Variants in RMDN2 observed in about 807,000 individuals in gnomAD.
The protein encoded by RMDN2 is regulator of microtubule dynamics protein 2.
In RMDN2, 61 loss-of-function variants were observed where a neutral mutation model predicts 52.8. The observed-to-expected ratio is 1.16, with a 90% CI of 0.94 to 1.43. The LOEUF is 1.43. Ranked by LOEUF, RMDN2 falls within the 40% of genes most tolerant of loss-of-function variation. The pLI, the probability that RMDN2 is intolerant of heterozygous loss-of-function variation, is 0.00. For missense variants in RMDN2, 592 were observed against 475.3 expected, an observed-to-expected ratio of 1.25 and a Z score of -2.28; for synonymous variants, 180 against 153.1, an observed-to-expected ratio of 1.18 and a Z score of -1.30.
At chr2:37,986,347 C>A (rs115408091) in intron 5 of RMDN2, among the ~76,000 whole-genome samples, 4 of 151,990 alleles carry the variant, frequency 2.6e-5, no homozygotes, top group Non-Finnish European at 4.4e-5. Flanking sequence ...CAGGACCAGA[C>A]GGGGTCATTG....
At chr2:37,991,385 C>A in intron 7 of RMDN2, 88 bp downstream of exon 7, 2 of 546,198 alleles carry the variant, frequency 3.7e-6, no homozygotes, top group Non-Finnish European at 6.0e-6. Flanking sequence ...TTTATTTTTA[C>A]CCAGTGCCTA....
intron 2 of RMDN2, among the ~76,000 whole-genome samples, chr2:37,956,657 T>C (rs570747854): frequency 2.6e-5 from 4 of 152,202 alleles, no homozygotes; most frequent in African/African-American, 9.6e-5. Context: ...TTTTTTCTTC[T>C]TTTTTATTTT....
chr2:38,045,654 G>A (rs1333603415), intron 10 of RMDN2, among the ~76,000 whole-genome samples: 3 of 152,066 alleles, frequency 2.0e-5, no homozygotes, highest in Non-Finnish European at 2.9e-5. Flanking sequence ...AAATTAAGAA[G>A]CATTAGTTAG....
chr2:38,013,854 G>A (rs1459816624), intron 10 of RMDN2, among the ~76,000 whole-genome samples: 1 of 152,100 alleles, frequency 6.6e-6, no homozygotes, highest in Non-Finnish European at 1.5e-5. Context: ...CTTATTTCTT[G>A]TAAATTAACT....
chr2:38,001,311 G>C (rs1284396702), intron 8 of RMDN2, among the ~76,000 whole-genome samples: 1 of 152,154 alleles, frequency 6.6e-6, no homozygotes, highest in Non-Finnish European at 1.5e-5. Context: ...AATATTCTTT[G>C]CCAGGTGTTA....
At chr2:38,005,134 T>A (rs1423883381) in intron 10 of RMDN2, among the ~76,000 whole-genome samples, 1 of 152,244 alleles carries the variant, frequency 6.6e-6, no homozygotes, top group African/African-American at 2.4e-5. Context: ...GTCTTTGCTA[T>A]TGTGAATAGT....
At chr2:38,039,216 C>T (rs1238935506) in intron 10 of RMDN2, 1 of 151,952 alleles carries the variant, frequency 6.6e-6, no homozygotes, top group Non-Finnish European at 1.5e-5. Flanking sequence ...TGGGATTGTC[C>T]TTATTTTACA....
intron 5 of RMDN2, among the ~76,000 whole-genome samples, chr2:37,987,977 T>C (rs567477918): frequency 7.9e-5 from 12 of 152,284 alleles, no homozygotes; most frequent in African/African-American, 2.9e-4. Context: ...GAGAATTGCT[T>C]GAACCTGGGA....
intron 2 of RMDN2, among the ~76,000 whole-genome samples, chr2:37,964,319 G>A (rs974478793): frequency 6.6e-6 from 1 of 152,196 alleles, no homozygotes; most frequent in Non-Finnish European, 1.5e-5. Context: ...GCATTTCCAG[G>A]TATAAATTTT....
intron 1 of RMDN2, among the ~76,000 whole-genome samples, chr2:37,927,645 C>T (rs1464001926): frequency 1.3e-5 from 2 of 152,180 alleles, no homozygotes; most frequent in African/African-American, 4.8e-5. Flanking sequence ...TAATAGACCT[C>T]TATATCAGCG....
intron 2 of RMDN2, among the ~76,000 whole-genome samples, chr2:37,959,560 T>G (rs1669925790): frequency 6.6e-6 from 1 of 150,942 alleles, no homozygotes; most frequent in African/African-American, 2.5e-5. Flanking sequence ...TTTATTAATC[T>G]GGCTAGCGAT....
At chr2:38,001,603 G>C (rs553696693) in intron 8 of RMDN2, among the ~76,000 whole-genome samples, 16 of 152,322 alleles carry the variant, frequency 1.1e-4, no homozygotes, top group Non-Finnish European at 2.4e-4. Flanking sequence ...TAGAATGCCA[G>C]CATTAAAGAA....
chr2:37,975,963 A>G (rs914642139), intron 4 of RMDN2, among the ~76,000 whole-genome samples: 2 of 152,256 alleles, frequency 1.3e-5, no homozygotes, highest in African/African-American at 4.8e-5. Context: ...TGTTTGAGAA[A>G]CAATAACAGG....
intron 2 of RMDN2, among the ~76,000 whole-genome samples, chr2:37,944,596 G>A (rs976734937): frequency 7.2e-5 from 11 of 152,154 alleles, no homozygotes; most frequent in African/African-American, 2.4e-4. Context: ...TGTGTTTACC[G>A]GATTTGAGAC....
intron 10 of RMDN2, among the ~76,000 whole-genome samples, chr2:38,008,927 T>C (rs1573066774): frequency 6.6e-6 from 1 of 152,312 alleles, no homozygotes; most frequent in Non-Finnish European, 1.5e-5. Context: ...CAGCATTTGC[T>C]CGTCTGTAAG....
chr2:37,954,363 GT>G (rs1669198951), intron 2 of RMDN2, among the ~76,000 whole-genome samples: 1 of 152,018 alleles, frequency 6.6e-6, no homozygotes, highest in Non-Finnish European at 1.5e-5. Flanking sequence ...TGCATTTTGA[GT>G]TAATTTTTGT....
intron 2 of RMDN2, chr2:37,952,102 C>G: frequency 2.5e-6 from 4 of 1,613,170 alleles, no homozygotes; most frequent in Non-Finnish European, 3.4e-6. Flanking sequence ...TTTATCCCAC[C>G]TCAAAGCGAA....
chr2:37,921,689 AG>A (rs1666035564), upstream of RMDN2, among the ~76,000 whole-genome samples: 1 of 152,214 alleles, frequency 6.6e-6, no homozygotes, highest in Non-Finnish European at 1.5e-5. Flanking sequence ...TATCAAAGGC[AG>A]GGTCTGGGGG....
chr2:38,019,238 C>G (rs577439317), downstream of RMDN2, among the ~76,000 whole-genome samples: 1 of 152,286 alleles, frequency 6.6e-6, no homozygotes, highest in South Asian at 2.1e-4. Flanking sequence ...GCAACTCATT[C>G]CGGCAGAGTG....
Sources: allele counts gnomAD v4.1 joint callset (sites outside exome capture counted in the v4.1 genomes callset), GRCh38; gene constraint gnomAD v4.1.1; transcripts MANE v1.5; gene names NCBI Gene and HGNC (gene_info 2026-07-23, HGNC 2026-07-21).